Variants in NSUN7 observed in about 807,000 individuals in gnomAD.
NSUN7 encodes protein NSUN7.
Under a neutral mutation model 58.5 loss-of-function variants are expected in NSUN7, and 39 were observed. The ratio of observed to expected loss-of-function variants is 0.67; its 90% CI spans 0.52 to 0.87. The LOEUF is 0.87. NSUN7 is among the 40% of genes least tolerant of loss of function. The pLI is 0.00. For missense variants in NSUN7, 765 were observed against 844.1 expected, an observed-to-expected ratio of 0.91 and a Z score of 1.16; for synonymous variants, 278 against 303.7, an observed-to-expected ratio of 0.92 and a Z score of 0.88.
chr4:40,785,925 C>T (rs1439381272), intron 7 of NSUN7, among the ~76,000 whole-genome samples: 4 of 152,246 alleles, frequency 2.6e-5, no homozygotes, highest in Non-Finnish European at 4.4e-5. Context: ...AGTCCTCCGC[C>T]ATCGCCCACG....
chr4:40,776,140 C>G lies in NSUN7; in HGVS notation c.917C>G (p.Thr306Arg). ...ATGGTCAATACAGGCTCATGGTACA[C>G]AGTTTCCCACATGTCAATTTTAACA... is the stretch of plus-strand genomic sequence containing the variant. ...VLMVNTGSWY[T>R]VSHMSILTNN... Residue 306 changes from threonine to arginine, a missense_variant, in exon 7 of 12, where the codon ACA becomes AGA. Transcript: ENST00000381782. 1 of 1,606,634 alleles carries G rather than the reference C, an allele frequency of 6.2e-7. No homozygotes were observed. The highest frequency in any genetic ancestry group is 8.5e-7 in the Non-Finnish European group (1 of 1,173,604).
chr4:40,784,441 T>A (rs1025319264), intron 7 of NSUN7, among the ~76,000 whole-genome samples: 2 of 152,170 alleles, frequency 1.3e-5, no homozygotes, highest in African/African-American at 2.4e-5. Flanking sequence ...TATTTGGCCA[T>A]AAAAAAGAAT....
At chr4:40,787,812 G>T (rs1222696776) in intron 7 of NSUN7, among the ~76,000 whole-genome samples, 1 of 152,086 alleles carries the variant, frequency 6.6e-6, no homozygotes, top group Non-Finnish European at 1.5e-5. Context: ...TTATAATGTC[G>T]ATGAGGTTGC....
chr4:40,808,202 A>C, intron 11 of NSUN7, 105 bp from the exon 12 acceptor site: 1 of 1,279,346 alleles, frequency 7.8e-7, no homozygotes, highest in Admixed American at 2.4e-5. Context: ...TTCTTTTAGT[A>C]TAATAAAGAG....
chr4:40,792,480 G>A (rs184466945), intron 8 of NSUN7, among the ~76,000 whole-genome samples: 25 of 152,292 alleles, frequency 1.6e-4, no homozygotes, highest in Admixed American at 7.2e-4. Context: ...GGCCGGGAGC[G>A]GTGGCTCACG....
chr4:40,807,642 G>A (rs1488363371), intron 11 of NSUN7, among the ~76,000 whole-genome samples: 2 of 151,774 alleles, frequency 1.3e-5, no homozygotes, highest in Non-Finnish European at 1.5e-5. Context: ...CACCGCACCC[G>A]GCCAGCCCTG....
intron 10 of NSUN7, among the ~76,000 whole-genome samples, chr4:40,805,804 TG>T: frequency 1.3e-5 from 2 of 152,238 alleles, no homozygotes; most frequent in African/African-American, 4.8e-5. Context: ...TGGCTGTCCT[TG>T]CTGTTCTTTG....
chr4:40,780,811 ATATTTTTTTTTTTTTT>A (rs1742521921), intron 7 of NSUN7, among the ~76,000 whole-genome samples: 3 of 94,110 alleles, frequency 3.2e-5, no homozygotes, highest in African/African-American at 1.3e-4. Flanking sequence ...ATATATATAT[ATATTTTTTTTTTTTTT>A]TTTTTTTTTT....
chr4:40,778,817 A>C (rs1742390448), intron 7 of NSUN7, among the ~76,000 whole-genome samples: 1 of 152,242 alleles, frequency 6.6e-6, no homozygotes, highest in African/African-American at 2.4e-5. Flanking sequence ...AATAGCAATA[A>C]AATTAAAAAC....
At chr4:40,756,417 G>A (rs970108523) in intron 2 of NSUN7, among the ~76,000 whole-genome samples, 1 of 152,254 alleles carries the variant, frequency 6.6e-6, no homozygotes, top group African/African-American at 2.4e-5. Flanking sequence ...AATTAGTGGG[G>A]AGAGGGAGAG....
In NSUN7 at chr4:40,783,495, C is replaced by T. The variant is rs557385426; in HGVS notation, c.1037-7107C>T. ...AAAAGCACAAGCAACAAGAAAAAAT[C>T]GATAAATTGGACTTGATTAAAATTA... is the stretch of plus-strand genomic sequence containing the variant. On this transcript the variant is annotated intron_variant, in intron 7 of 11. Transcript: ENST00000381782. Among the ~76,000 whole-genome samples the T allele has an allele frequency of 6.2e-5, 9 of 145,666 alleles. No individual in the cohort carries two copies. In the East Asian group the frequency reaches 1.2e-3, roughly 19 times the overall value.
Position 40,805,840 on chromosome 4 carries a change from CTATTAT to C in NSUN7, c.1401-1207_1401-1202del, listed in dbSNP as rs919925003. On this transcript the variant is annotated intron_variant, in intron 10 of 11. Coordinates refer to ENST00000381782, the MANE Select transcript of NSUN7 (RefSeq NM_024677.6). ...GGCTTGTAGCTGTGTCACATGGACA[CTATTAT>C]TATTATTATTATTGAGATGGAGTCT... Among the ~76,000 whole-genome samples the C allele has an allele frequency of 1.5e-4, 23 of 151,414 alleles. No individual in the cohort carries two copies. In the South Asian group the frequency reaches 3.6e-3, roughly 23 times the overall value.
intron 2 of NSUN7, among the ~76,000 whole-genome samples, chr4:40,753,979 T>C (rs1578137274): frequency 6.6e-6 from 1 of 152,138 alleles, no homozygotes; most frequent in African/African-American, 2.4e-5. Context: ...TAAACCTCTG[T>C]CTTTTGTAAA....
intron 10 of NSUN7, among the ~76,000 whole-genome samples, chr4:40,802,750 C>A (rs1473388157): frequency 6.6e-6 from 1 of 150,534 alleles, no homozygotes; most frequent in Non-Finnish European, 1.5e-5. Context: ...AAGTAAGTAC[C>A]TTTTACCCTG....
intron 7 of NSUN7, among the ~76,000 whole-genome samples, chr4:40,777,031 T>C (rs1038203083): frequency 6.6e-6 from 1 of 152,228 alleles, no homozygotes; most frequent in African/African-American, 2.4e-5. Flanking sequence ...AGCAAAACTT[T>C]TAACAGATTC....
Position 40,750,758 on chromosome 4 carries a change from T to C in NSUN7, c.65T>C (p.Leu22Pro). 6.2e-7 allele frequency: 1 copy of C among 1,614,004 alleles called. No homozygotes were observed. Among genetic ancestry groups the C allele is most frequent in the Non-Finnish European group, 8.5e-7 (1 of 1,179,994 alleles). Residue 22 changes from leucine to proline, a missense_variant, in exon 2 of 12, where the codon CTC (leucine) becomes CCC (proline). Leu to Pro is a moderately conservative substitution (Grantham distance 98). Transcript: ENST00000381782. ...GAAGATCCCGAGATCATCTCCCAAC[T>C]CACTTCCCTGCCTCTGTCCGGTGGG... ...NEEDPEIISQLTSLPLSGGKS... is the reference protein window; with the variant it reads ...NEEDPEIISQPTSLPLSGGKS...
At position 40,790,631 on chromosome 4, in the gene NSUN7, A is replaced by G. The variant is rs748776928; in HGVS notation, c.1066A>G (p.Asn356Asp). ...NIEILHEKFI[N>D]IESKDHRLQK... ...TGAAATACTTCATGAGAAATTTATT[A>G]ACATTGAATCAAAGGATCACAGGTT... Residue 356 changes from asparagine to aspartate, a missense_variant, in exon 8 of 12, where the codon AAC (asparagine) becomes GAC (aspartate). Physicochemically the swap from Asn to Asp is conservative, Grantham distance 23. Transcript: ENST00000381782. The G allele has an allele frequency of 3.2e-6, 5 of 1,577,416 alleles. No individual in the cohort carries two copies. Among genetic ancestry groups the G allele is most frequent in the Non-Finnish European group, 4.3e-6 (5 of 1,158,222 alleles).
chr4:40,779,256 A>G (rs1312485623), intron 7 of NSUN7, among the ~76,000 whole-genome samples: 1 of 152,162 alleles, frequency 6.6e-6, no homozygotes, highest in African/African-American at 2.4e-5. Context: ...CAGGAGTTTA[A>G]GGTTACAGTA....
In NSUN7 at chr4:40,808,304, C is replaced by A; in HGVS notation, c.1525-3C>A. On this transcript the variant is annotated splice_region_variant and splice_polypyrimidine_tract_variant and intron_variant, in intron 11 of 11. Transcript: ENST00000381782. ...CATTTAGTAAATGCTTCTTTAATTG[C>A]AGCGGGACCCTTCTGAGACAGTGTC... is the stretch of plus-strand genomic sequence containing the variant. 1.9e-6 allele frequency: 3 copies of A among 1,602,358 alleles called. No individual in the cohort carries two copies. The highest frequency in any genetic ancestry group is 2.6e-6 in the Non-Finnish European group (3 of 1,173,550).
Sources: allele counts gnomAD v4.1 joint callset (sites outside exome capture counted in the v4.1 genomes callset), GRCh38; gene constraint gnomAD v4.1.1; transcripts MANE v1.5; gene names NCBI Gene and HGNC (gene_info 2026-07-23, HGNC 2026-07-21).